HOOK3: variants seen among roughly 807,000 people sequenced by gnomAD.
HOOK3 encodes hook microtubule tethering protein 3.
Under a neutral mutation model 116.3 loss-of-function variants are expected in HOOK3, and 24 were observed. That is an observed-to-expected ratio of 0.21 (90% CI 0.15 to 0.29). The LOEUF (loss-of-function observed/expected upper bound fraction) is 0.29. Ranked by LOEUF, HOOK3 falls within the 10% of genes least tolerant of loss-of-function variation. The probability of loss-of-function intolerance (pLI) is 1.00; values close to 1 mark genes in which losing one functional copy is unlikely to be tolerated. For missense variants in HOOK3, 632 were observed against 830.2 expected (o/e 0.76, Z 2.93); for synonymous variants, 275 against 283.0 (o/e 0.97, Z 0.28).
chr8:42,956,941 T>C (rs1430254164), intron 6 of HOOK3, among the ~76,000 whole-genome samples, 153 bp from the exon 7 acceptor site: 1 of 152,250 alleles, frequency 6.6e-6, no homozygotes, highest in Non-Finnish European at 1.5e-5. Context: ...AGTTCCGGAC[T>C]CAGAAGCTTT....
intron 1 of HOOK3, among the ~76,000 whole-genome samples, chr8:42,905,334 G>GT (rs1563287596): frequency 6.9e-6 from 1 of 145,978 alleles, no homozygotes; most frequent in African/African-American, 2.6e-5. Flanking sequence ...TTGGGGGGGG[G>GT]GGTGCCGTGG....
intron 15 of HOOK3, among the ~76,000 whole-genome samples, chr8:42,990,576 A>G (rs1471592451): frequency 6.6e-6 from 1 of 151,766 alleles, no homozygotes; most frequent in Non-Finnish European, 1.5e-5. Flanking sequence ...CCTGGGCTCA[A>G]GCAATCCACC....
At chr8:42,933,914 T>C (rs1257401906) in intron 4 of HOOK3, among the ~76,000 whole-genome samples, 1 of 152,216 alleles carries the variant, frequency 6.6e-6, no homozygotes, top group Non-Finnish European at 1.5e-5. Flanking sequence ...TCCATGTTCA[T>C]GCTGCTGTGC....
At chr8:42,911,444 C>A (rs1371570387) in intron 2 of HOOK3, among the ~76,000 whole-genome samples, 1 of 152,084 alleles carries the variant, frequency 6.6e-6, no homozygotes, top group Non-Finnish European at 1.5e-5. Flanking sequence ...GAGTGAGACT[C>A]TGTCTCAAAA....
Position 42,941,422 on chromosome 8 carries a change from G to T in HOOK3, c.268-1891G>T, listed in dbSNP as rs1808121167. Among the ~76,000 whole-genome samples, 4 of 150,100 alleles carry T rather than the reference G, an allele frequency of 2.7e-5. No individual in the cohort carries two copies. The South Asian group carries it at 8.3e-4, about 31-fold the overall frequency. On this transcript the variant is annotated intron_variant, in intron 4 of 21. Transcript: ENST00000307602. ...AGTCCCAGCTACTCGGGAGGCTGAG[G>T]CACGAGAATGGTGTGAACCCGGGAG... is the stretch of plus-strand genomic sequence containing the variant.
chr8:42,913,187 C>G (rs183966193), intron 2 of HOOK3, among the ~76,000 whole-genome samples: 1 of 151,860 alleles, frequency 6.6e-6, no homozygotes, highest in Non-Finnish European at 1.5e-5. Context: ...TAAATTTTGA[C>G]CTATGTATAT....
intron 13 of HOOK3, among the ~76,000 whole-genome samples, chr8:42,975,160 C>T (rs1033235134): frequency 6.6e-6 from 1 of 152,126 alleles, no homozygotes; most frequent in Non-Finnish European, 1.5e-5. Flanking sequence ...GGAGAGAGCC[C>T]GCCTGTTTCC....
intron 14 of HOOK3, among the ~76,000 whole-genome samples, chr8:42,984,633 G>A (rs1809015410): frequency 6.6e-6 from 1 of 152,126 alleles, no homozygotes; most frequent in Non-Finnish European, 1.5e-5. Flanking sequence ...CAGGTGTGGT[G>A]GCTCACATCC....
intron 16 of HOOK3, chr8:42,997,915 G>T (rs1249129595): frequency 6.4e-6 from 2 of 312,256 alleles, no homozygotes; most frequent in Non-Finnish European, 1.2e-5. Flanking sequence ...TCAACTCAGT[G>T]TTCAAAGATG....
intron 11 of HOOK3, among the ~76,000 whole-genome samples, chr8:42,969,409 T>G (rs1479754463): frequency 6.6e-6 from 1 of 152,184 alleles, no homozygotes; most frequent in Non-Finnish European, 1.5e-5. Flanking sequence ...GAGAGTGGCT[T>G]GAGCCCAGGA....
chr8:42,956,837 C>T (rs1808445904), intron 6 of HOOK3, among the ~76,000 whole-genome samples: 2 of 152,218 alleles, frequency 1.3e-5, no homozygotes, highest in South Asian at 4.1e-4. Flanking sequence ...CCACCTCGGC[C>T]TCCCAAAGTG....
At chr8:43,008,929 G>C (rs1809549860) in intron 18 of HOOK3, among the ~76,000 whole-genome samples, 1 of 151,372 alleles carries the variant, frequency 6.6e-6, no homozygotes, top group Non-Finnish European at 1.5e-5. Context: ...AAAGTGCTGG[G>C]ATTACAGGCG....
rs150976524 is a variant in HOOK3 at position 42,907,402 on chromosome 8, G to A, written c.143+1144G>A. On this transcript the variant is annotated intron_variant, in intron 2 of 21. Coordinates refer to ENST00000307602, the MANE Select transcript of HOOK3 (RefSeq NM_032410.4). ...TTTCTTCTATAACTTAAAATGCATG[G>A]TACATTTTTCCAGATATATAGGCAC... is the stretch of plus-strand genomic sequence containing the variant. 7.4e-3 allele frequency among the ~76,000 whole-genome samples: 1,126 copies of A among 152,148 alleles called. 11 individuals are homozygous for A. The highest frequency in any genetic ancestry group is 0.012 in the Non-Finnish European group (809 of 67,988).
chr8:42,976,955 A>T (rs1272588770), intron 13 of HOOK3, among the ~76,000 whole-genome samples: 1 of 152,186 alleles, frequency 6.6e-6, no homozygotes. Context: ...TCCCAGGTCC[A>T]CTCATGCCTA....
chr8:42,945,766 A>G (rs754524883), intron 5 of HOOK3, among the ~76,000 whole-genome samples: 9 of 152,232 alleles, frequency 5.9e-5, no homozygotes, highest in Non-Finnish European at 1.3e-4. Context: ...AACCACTAAC[A>G]TAGAATTAGA....
chr8:42,900,508 G>A (rs1011047564), intron 1 of HOOK3, among the ~76,000 whole-genome samples: 4 of 152,124 alleles, frequency 2.6e-5, no homozygotes, highest in African/African-American at 9.7e-5. Flanking sequence ...CCTATAAAAT[G>A]CATACTAGTA....
intron 1 of HOOK3, among the ~76,000 whole-genome samples, chr8:42,901,692 A>G (rs1807192623): frequency 6.6e-6 from 1 of 152,218 alleles, no homozygotes; most frequent in Non-Finnish European, 1.5e-5. Flanking sequence ...TAGCTTCCCT[A>G]AATCCCAAGA....
At chr8:42,985,697 A>G (rs967802086) in intron 14 of HOOK3, among the ~76,000 whole-genome samples, 5 of 151,876 alleles carry the variant, frequency 3.3e-5, no homozygotes, top group African/African-American at 9.7e-5. Flanking sequence ...GTGAGCTGAG[A>G]TCGTACCACT....
At chr8:42,990,683 C>T (rs193248636) in intron 15 of HOOK3, among the ~76,000 whole-genome samples, 1 of 152,086 alleles carries the variant, frequency 6.6e-6, no homozygotes, top group East Asian at 1.9e-4. Flanking sequence ...GGAGTTTTTC[C>T]TGTAGAGTTG....
Sources: allele counts gnomAD v4.1 joint callset (sites outside exome capture counted in the v4.1 genomes callset), GRCh38; gene constraint gnomAD v4.1.1; transcripts MANE v1.5; gene names NCBI Gene and HGNC (gene_info 2026-07-23, HGNC 2026-07-21).